MECR: variants seen among roughly 807,000 people sequenced by gnomAD.
The protein encoded by MECR is enoyl-[acyl-carrier-protein] reductase, mitochondrial.
A neutral mutation model predicts 49.1 loss-of-function variants in MECR; 37 were observed. The observed-to-expected ratio is 0.75, with a 90% CI of 0.58 to 0.99. The LOEUF is 0.99. Among genes scored for constraint, MECR ranks in the 50% least tolerant of loss-of-function variants. The pLI is 0.00. For synonymous variants in MECR, 198 were observed against 191.1 expected (o/e 1.04, Z -0.30); for missense variants, 470 against 479.6 (o/e 0.98, Z 0.19).
intron 1 of MECR, chr1:29,221,012 G>A (rs796565726): frequency 6.1e-6 from 4 of 650,666 alleles, no homozygotes; most frequent in African/African-American, 3.9e-5. Context: ...ATGGACAGTC[G>A]AAGTATCAGA....
At position 29,229,364 on chromosome 1, in the gene MECR, G is replaced by A. The variant is rs190072567; in HGVS notation, c.176+1367C>T. On this transcript the variant is annotated intron_variant, in intron 1 of 9. Transcript: ENST00000263702. ...ATTACAGGTGCCCACCACCAAGCCC[G>A]GCTAATTTTTTTGTATTTTTAGTAG... 3.5e-4 allele frequency among the ~76,000 whole-genome samples: 53 copies of A among 152,112 alleles called. 1 individual carries two copies. The East Asian group carries it at 0.01, about 29-fold the overall frequency.
downstream of MECR, among the ~76,000 whole-genome samples, chr1:29,191,333 T>C (rs1035557340): frequency 6.6e-6 from 1 of 151,960 alleles, no homozygotes; most frequent in Admixed American, 6.6e-5. Flanking sequence ...AGACAGAGTC[T>C]CTCTCTCTTG....
chr1:29,226,017 A>C (rs1042397607), intron 1 of MECR, among the ~76,000 whole-genome samples: 6 of 151,958 alleles, frequency 3.9e-5, no homozygotes, highest in Non-Finnish European at 8.8e-5. Flanking sequence ...AAAAATACAA[A>C]AATTAGCTGG....
At chr1:29,216,833 C>A (rs983984791) in intron 1 of MECR, 148 bp from the exon 2 acceptor site, 2 of 1,475,502 alleles carry the variant, frequency 1.4e-6, no homozygotes, top group Non-Finnish European at 1.8e-6. Flanking sequence ...AGAGAGGTAC[C>A]ATAAGAAATC....
intron 1 of MECR, among the ~76,000 whole-genome samples, chr1:29,219,170 G>A (rs1680180250): frequency 6.6e-6 from 1 of 152,170 alleles, no homozygotes; most frequent in South Asian, 2.1e-4. Context: ...CCCAGATAGT[G>A]ATGTTTCACT....
chr1:29,178,196 G>C, the MECR span, among the ~76,000 whole-genome samples: 1 of 151,714 alleles, frequency 6.6e-6, no homozygotes, highest in Non-Finnish European at 1.5e-5. Context: ...CACCGTGACC[G>C]GTCTAGACAA....
At chr1:29,172,876 G>A in the MECR span, 10 of 152,020 alleles carry the variant, frequency 6.6e-5, no homozygotes, top group African/African-American at 2.2e-4. Context: ...AAAAAAGGTA[G>A]ACAATATAAG....
chr1:29,230,665 C>T (rs1683193163), intron 1 of MECR, 66 bp downstream of exon 1: 2 of 1,523,082 alleles, frequency 1.3e-6, no homozygotes, highest in Admixed American at 4.3e-5. Flanking sequence ...CTTCCCAGTC[C>T]GCAGCTCGTG....
Position 29,230,812 on chromosome 1 carries a change from G to C in MECR, c.95C>G (p.Ser32Cys), listed in dbSNP as rs1235010326. The C allele has an allele frequency of 6.2e-7, 1 of 1,608,184 alleles. No homozygotes were observed. Among genetic ancestry groups the C allele is most frequent in the African/African-American group, 1.3e-5 (1 of 74,896 alleles). Residue 32 changes from serine to cysteine, a missense_variant, in exon 1 of 10, where the codon TCC becomes TGC. Transcript: ENST00000263702. ...AGGCTCGGCGGATGCGGAGTAGGAG[G>C]AGGCGGCAGGTCCGTGACAGCCAGA... is the stretch of plus-strand genomic sequence containing the variant. Reference protein sequence around the residue: ...PASGCHGPAASSYSASAEPAR... With the variant: ...PASGCHGPAACSYSASAEPAR...
At chr1:29,182,638 G>A in the MECR span, among the ~76,000 whole-genome samples, 2 of 152,180 alleles carry the variant, frequency 1.3e-5, no homozygotes, top group South Asian at 4.1e-4. Flanking sequence ...CCGCCTCCCG[G>A]GTTCAAGCGA....
chr1:29,209,624 A>T (rs1267045737), intron 3 of MECR, among the ~76,000 whole-genome samples: 1 of 151,966 alleles, frequency 6.6e-6, no homozygotes, highest in African/African-American at 2.4e-5. Context: ...AATCAATAGG[A>T]TTTGGTGAGG....
At chr1:29,185,242 T>A in the MECR span, among the ~76,000 whole-genome samples, 39 of 152,310 alleles carry the variant, frequency 2.6e-4, no homozygotes, top group African/African-American at 5.8e-4. Flanking sequence ...TTTTATTTTT[T>A]AAATTTAATT....
chr1:29,189,235 C>T (rs1364758927), downstream of MECR, among the ~76,000 whole-genome samples: 2 of 143,954 alleles, frequency 1.4e-5, no homozygotes, highest in Non-Finnish European at 2.9e-5. Context: ...CTGTGTCTGG[C>T]GAATTTTTAT....
chr1:29,176,749 G>A, the MECR span, among the ~76,000 whole-genome samples: 1 of 152,012 alleles, frequency 6.6e-6, no homozygotes, highest in South Asian at 2.1e-4. Flanking sequence ...AAAAAATTAT[G>A]GTGCATTAAA....
chr1:29,191,365 G>A (rs533046127), downstream of MECR, among the ~76,000 whole-genome samples: 206 of 151,466 alleles, frequency 1.4e-3, 5 homozygotes, highest in Admixed American at 0.013. Flanking sequence ...GTGCAGTGGC[G>A]TGATCTCAGC....
At chr1:29,181,852 G>T in the MECR span, 3 of 1,022,796 alleles carry the variant, frequency 2.9e-6, no homozygotes, top group Non-Finnish European at 3.9e-6. Context: ...GGCAACGGGC[G>T]GGCGGCGGGA....
At chr1:29,169,753 A>G in the MECR span, 1 of 152,222 alleles carries the variant, frequency 6.6e-6, no homozygotes, top group Non-Finnish European at 1.5e-5. Context: ...TCCACATTGC[A>G]GATAACAGCC....
At chr1:29,177,276 T>C in the MECR span, among the ~76,000 whole-genome samples, 16 of 145,326 alleles carry the variant, frequency 1.1e-4, no homozygotes, top group Non-Finnish European at 2.1e-4. Context: ...CTACAGTAAC[T>C]CTTTTTGTTT....
At chr1:29,184,987 A>C in the MECR span, among the ~76,000 whole-genome samples, 1 of 149,590 alleles carries the variant, frequency 6.7e-6, no homozygotes, top group Non-Finnish European at 1.5e-5. Context: ...TTAGCCAGAC[A>C]TGGTGGCAGG....
Sources: allele counts gnomAD v4.1 joint callset (sites outside exome capture counted in the v4.1 genomes callset), GRCh38; gene constraint gnomAD v4.1.1; transcripts MANE v1.5; gene names NCBI Gene and HGNC (gene_info 2026-07-23, HGNC 2026-07-21).